Variants in DSCAM observed in about 807,000 individuals in gnomAD.
The protein encoded by DSCAM is DS cell adhesion molecule.
Under a neutral mutation model 217.7 loss-of-function variants are expected in DSCAM, and 47 were observed. That is an observed-to-expected ratio of 0.22 (90% CI 0.17 to 0.28). The LOEUF (loss-of-function observed/expected upper bound fraction) is 0.28, where lower values mean the gene tolerates loss of function less well. Ranked by LOEUF, DSCAM falls within the 10% of genes least tolerant of loss-of-function variation. DSCAM has a pLI of 1.00. For missense variants in DSCAM, 2,080 were observed against 2,618.3 expected, an observed-to-expected ratio of 0.79 and a Z score of 4.49; for synonymous variants, 1,056 against 1,015.3, an observed-to-expected ratio of 1.04 and a Z score of -0.76.
At chr21:40,667,499 G>T (rs1438979534) in intron 3 of DSCAM, among the ~76,000 whole-genome samples, 1 of 152,216 alleles carries the variant, frequency 6.6e-6, no homozygotes, top group Non-Finnish European at 1.5e-5. Context: ...TCTGACCTCA[G>T]TCCCTGGAAG....
intron 1 of DSCAM, among the ~76,000 whole-genome samples, chr21:40,736,068 G>T (rs2091060421): frequency 6.6e-6 from 1 of 152,138 alleles, no homozygotes; most frequent in Non-Finnish European, 1.5e-5. Context: ...TGCTAGAACT[G>T]CTCACAAAAC....
chr21:40,634,001 C>T (rs945174332), intron 3 of DSCAM, among the ~76,000 whole-genome samples: 1 of 152,004 alleles, frequency 6.6e-6, no homozygotes, highest in South Asian at 2.1e-4. Context: ...TATTCTCGAC[C>T]CAGGAACATA....
chr21:40,695,127 T>C (rs2090582479), intron 2 of DSCAM, among the ~76,000 whole-genome samples: 2 of 152,152 alleles, frequency 1.3e-5, no homozygotes, highest in Non-Finnish European at 2.9e-5. Context: ...GCTTCAAACA[T>C]TAATGACTCA....
intron 3 of DSCAM, among the ~76,000 whole-genome samples, chr21:40,537,857 T>C (rs941325770): frequency 6.6e-6 from 1 of 152,176 alleles, no homozygotes; most frequent in Admixed American, 6.5e-5. Context: ...TCACTGGCTG[T>C]ACTTCCTTAC....
intron 13 of DSCAM, 87 bp downstream of exon 13, chr21:40,187,804 T>C: frequency 1.7e-6 from 2 of 1,176,252 alleles, no homozygotes; most frequent in Non-Finnish European, 2.5e-6. Context: ...ACATGGCAAG[T>C]TGAGGACACA....
intron 3 of DSCAM, among the ~76,000 whole-genome samples, chr21:40,503,780 T>C (rs76245520): frequency 2.0e-5 from 3 of 152,226 alleles, no homozygotes; most frequent in Non-Finnish European, 4.4e-5. Context: ...CTGATTTTCA[T>C]GTATTTGTTT....
At chr21:40,428,413 G>C (rs2075497830) in intron 3 of DSCAM, among the ~76,000 whole-genome samples, 1 of 151,926 alleles carries the variant, frequency 6.6e-6, no homozygotes, top group Non-Finnish European at 1.5e-5. Flanking sequence ...TGGGATTACA[G>C]GCATGCACCA....
chr21:40,343,004 T>C (rs2074516097), intron 6 of DSCAM, among the ~76,000 whole-genome samples: 1 of 152,040 alleles, frequency 6.6e-6, no homozygotes, highest in African/African-American at 2.4e-5. Context: ...TAGCAGAGTT[T>C]TGTATTTTTG....
chr21:40,106,137 G>T (rs1035418593), intron 20 of DSCAM, among the ~76,000 whole-genome samples: 1 of 152,206 alleles, frequency 6.6e-6, no homozygotes, highest in Non-Finnish European at 1.5e-5. Context: ...CATGGTGGCA[G>T]ACAAGAGAGG....
At chr21:40,746,730 C>A (rs2091178683) in intron 1 of DSCAM, among the ~76,000 whole-genome samples, 1 of 151,864 alleles carries the variant, frequency 6.6e-6, no homozygotes, top group Admixed American at 6.6e-5. Flanking sequence ...ATCCAACAGA[C>A]ATTTACAGAA....
intron 1 of DSCAM, among the ~76,000 whole-genome samples, chr21:40,824,107 T>TCATC (rs891324207): frequency 6.6e-6 from 1 of 152,092 alleles, no homozygotes; most frequent in African/African-American, 2.4e-5. Flanking sequence ...CATGCTTGGA[T>TCATC]CATCCCCATT....
At chr21:40,470,809 C>T (rs1372770254) in intron 3 of DSCAM, among the ~76,000 whole-genome samples, 1 of 152,184 alleles carries the variant, frequency 6.6e-6, no homozygotes, top group Admixed American at 6.5e-5. Context: ...CTGCCTGGAT[C>T]TCCCAAAGTG....
At chr21:40,472,419 A>G (rs2075896679) in intron 3 of DSCAM, among the ~76,000 whole-genome samples, 1 of 152,238 alleles carries the variant, frequency 6.6e-6, no homozygotes, top group Admixed American at 6.5e-5. Flanking sequence ...GAAAACTTTT[A>G]GGAAATAATC....
chr21:40,059,836 A>T (rs575431654), intron 28 of DSCAM, among the ~76,000 whole-genome samples: 100 of 152,282 alleles, frequency 6.6e-4, no homozygotes, highest in African/African-American at 2.2e-3. Flanking sequence ...AGTTCCTTTG[A>T]CTTCTAGAGA....
intron 21 of DSCAM, among the ~76,000 whole-genome samples, chr21:40,091,760 T>G (rs1289000020): frequency 2.0e-5 from 3 of 152,082 alleles, no homozygotes; most frequent in Non-Finnish European, 4.4e-5. Flanking sequence ...GCATAGGGCA[T>G]GTATTACATG....
At chr21:40,726,549 GAA>G (rs34709502) in intron 1 of DSCAM, among the ~76,000 whole-genome samples, 1 of 148,098 alleles carries the variant, frequency 6.8e-6, no homozygotes, top group Non-Finnish European at 1.5e-5. Flanking sequence ...GCTTTAACAG[GAA>G]AAAAAAAAAT....
intron 2 of DSCAM, among the ~76,000 whole-genome samples, chr21:40,694,390 C>G (rs536865736): frequency 6.6e-6 from 1 of 152,200 alleles, no homozygotes; most frequent in South Asian, 2.1e-4. Context: ...ACTAACACAC[C>G]AACAAAGCTA....
At chr21:40,162,382 C>T (rs1568975532) in intron 16 of DSCAM, among the ~76,000 whole-genome samples, 1 of 152,190 alleles carries the variant, frequency 6.6e-6, no homozygotes, top group South Asian at 2.1e-4. Flanking sequence ...CTGGAAGGTG[C>T]CTCCAAGACT....
chr21:40,447,016 T>A (rs571452780), intron 3 of DSCAM, among the ~76,000 whole-genome samples: 17 of 152,258 alleles, frequency 1.1e-4, no homozygotes, highest in African/African-American at 3.8e-4. Context: ...TCCCGCTTGG[T>A]CACCTCCTTG....
Sources: allele counts gnomAD v4.1 joint callset (sites outside exome capture counted in the v4.1 genomes callset), GRCh38; gene constraint gnomAD v4.1.1; transcripts MANE v1.5; gene names NCBI Gene and HGNC (gene_info 2026-07-23, HGNC 2026-07-21).